Variants in USP34 observed in about 807,000 individuals in gnomAD.
The protein encoded by USP34 is ubiquitin specific peptidase 34.
USP34 carries 70 observed loss-of-function variants against 460.3 expected under a neutral mutation model. The observed-to-expected ratio is 0.15, with a 90% CI of 0.13 to 0.19. The LOEUF (loss-of-function observed/expected upper bound fraction) is 0.19. Among genes scored for constraint, USP34 ranks in the 10% least tolerant of loss-of-function variants. The pLI, the probability that USP34 is intolerant of heterozygous loss-of-function variation, is 1.00. For synonymous variants in USP34, 1,647 were observed against 1,405.3 expected (o/e 1.17, Z -3.85); for missense variants, 3,985 against 4,236.2 (o/e 0.94, Z 1.65).
At chr2:61,281,490 T>C (rs186508634) in intron 37 of USP34, among the ~76,000 whole-genome samples, 1 of 152,292 alleles carries the variant, frequency 6.6e-6, no homozygotes, top group Non-Finnish European at 1.5e-5. Flanking sequence ...CTTGCGCCTG[T>C]AGTCCCAGCT....
chr2:61,463,196 C>T (rs935129545), intron 1 of USP34, among the ~76,000 whole-genome samples: 3 of 151,552 alleles, frequency 2.0e-5, no homozygotes, highest in Admixed American at 6.6e-5. Flanking sequence ...GATTCTCAGC[C>T]GGGTACAGCA....
chr2:61,465,890 T>C (rs529883916), intron 1 of USP34, among the ~76,000 whole-genome samples: 19 of 151,968 alleles, frequency 1.3e-4, no homozygotes, highest in Middle Eastern at 3.4e-3. Context: ...GTCAGGAGAA[T>C]GGCGTGAACC....
intron 10 of USP34, among the ~76,000 whole-genome samples, chr2:61,350,952 G>A (rs1398436278): frequency 1.3e-5 from 2 of 152,196 alleles, no homozygotes; most frequent in Non-Finnish European, 2.9e-5. Flanking sequence ...GCTGGGCGTG[G>A]TGGCTGATGC....
chr2:61,220,151 TAAAAAAAAAAAAAAAA>T (rs60784334), intron 67 of USP34, 143 bp downstream of exon 67: 57 of 169,360 alleles, frequency 3.4e-4, no homozygotes, highest in Admixed American at 7.7e-4. Flanking sequence ...TTTCCTATCC[TAAAAAAAAAAAAAAAA>T]AAAAAAAAAA....
Position 61,278,440 on chromosome 2 carries a change from T to C in USP34, c.5260A>G (p.Thr1754Ala), listed in dbSNP as rs761348187. 2.5e-6 allele frequency: 4 copies of C among 1,569,532 alleles called. No individual in the cohort carries two copies. Among genetic ancestry groups the C allele is most frequent in the Admixed American group, 2.0e-5 (1 of 49,040 alleles). ...NIHIKDASQT[T>A]LLDLDALARH... ...GCCAAGGCATCTAAGTCGAGGAGCG[T>C]TGTCTTAATACAAAAAGAAAATAAA... Residue 1754 changes from threonine to alanine, a missense_variant, in exon 40 of 80, where the codon ACG becomes GCG. Thr to Ala is a moderately conservative substitution (Grantham distance 58). Transcript: ENST00000398571.
In USP34 at chr2:61,349,265, T is replaced by G; in HGVS notation, c.1528A>C (p.Thr510Pro). The change falls in exon 13 of 80, where the codon ACA (threonine) becomes CCA (proline). Residue 510 changes from threonine to proline, a missense_variant. By Grantham distance (38) the Thr-to-Pro change is conservative (BLOSUM62 -1). This residue lies in a region of USP34 where 716 missense variants were observed against 626.2 expected (regional missense o/e 1.14). Transcript: ENST00000398571. Reference protein sequence around the residue: ...NKKEEEELRRTAPSPWSPAAS... With the variant: ...NKKEEEELRRPAPSPWSPAAS... ...CTCAACTTACAAGGTGATGGAGCTG[T>G]TCTTCTAAGCTCTTCTTCCTCTGAA... 6.2e-7 allele frequency: 1 copy of G among 1,613,500 alleles called. No individual in the cohort carries two copies. The highest frequency in any genetic ancestry group is 8.5e-7 in the Non-Finnish European group (1 of 1,179,796).
intron 79 of USP34, 55 bp from the exon 80 acceptor site, chr2:61,188,764 T>A: frequency 6.3e-7 from 1 of 1,583,058 alleles, no homozygotes; most frequent in South Asian, 1.2e-5. Flanking sequence ...AAGATCACGT[T>A]AGGGGGGGAT....
At chr2:61,420,551 G>C (rs1208159152) in intron 2 of USP34, among the ~76,000 whole-genome samples, 195 bp downstream of exon 2, 1 of 152,144 alleles carries the variant, frequency 6.6e-6, no homozygotes, top group Non-Finnish European at 1.5e-5. Context: ...GAAAGAAACT[G>C]ATATTTATGC....
chr2:61,303,641 C>T (rs925847836), intron 27 of USP34, among the ~76,000 whole-genome samples: 2 of 148,582 alleles, frequency 1.3e-5, no homozygotes. Flanking sequence ...CTGTCGCCCA[C>T]GCTGGAGTGC....
intron 1 of USP34, among the ~76,000 whole-genome samples, chr2:61,440,099 T>C (rs1432409099): frequency 6.6e-6 from 1 of 152,084 alleles, no homozygotes; most frequent in Non-Finnish European, 1.5e-5. Context: ...GGCACCTGCC[T>C]GAGTGCTACA....
intron 34 of USP34, among the ~76,000 whole-genome samples, chr2:61,286,171 A>G (rs1364281085): frequency 6.6e-5 from 10 of 152,198 alleles, no homozygotes; most frequent in South Asian, 2.1e-4. Context: ...AAATGATGGT[A>G]AACTCTTAAA....
At chr2:61,468,886 G>A (rs1344854169) in intron 1 of USP34, among the ~76,000 whole-genome samples, 1 of 152,108 alleles carries the variant, frequency 6.6e-6, no homozygotes, top group Non-Finnish European at 1.5e-5. Flanking sequence ...TTCTTTAGAT[G>A]TTTTGTTTAA....
chr2:61,300,917 C>G, intron 29 of USP34, 34 bp downstream of exon 29: 2 of 1,489,612 alleles, frequency 1.3e-6, no homozygotes, highest in African/African-American at 1.4e-5. Context: ...AACAGAGACA[C>G]AAAACAAGAT....
chr2:61,328,813 A>G (rs1235416970), intron 20 of USP34, among the ~76,000 whole-genome samples: 1 of 152,184 alleles, frequency 6.6e-6, no homozygotes, highest in Non-Finnish European at 1.5e-5. Flanking sequence ...CTTTCTCTTT[A>G]CGAGGATGAT....
In USP34 at chr2:61,187,492, G is replaced by T; in HGVS notation, c.*610C>A. The T allele has an allele frequency of 1.0e-6, 1 of 959,262 alleles. No individual in the cohort carries two copies. Among genetic ancestry groups the T allele is most frequent in the Non-Finnish European group, 1.2e-6 (1 of 821,740 alleles). The allele number at this position is 959,262 out of a possible 1,614,324, so 59.4% of individuals were successfully genotyped here. A position where few individuals can be genotyped will look rare whatever the true frequency, so the allele number is the denominator to read the frequency against. On this transcript the variant is annotated 3_prime_UTR_variant, in exon 80 of 80. Transcript: ENST00000398571. ...AAGTCATCACAATCAGTTTAATTAA[G>T]TGCACAGAATAGCAATCAATCAATC...
chr2:61,188,698 C>T lies in USP34; in HGVS notation c.10045G>A (p.Ala3349Thr). ...KERKTKDDEGATPIKRRRVSS... is the reference protein window; with the variant it reads ...KERKTKDDEGTTPIKRRRVSS... ...ACACGCCGCCTTTTAATGGGAGTTGCTCCTTCATCATCTGTGAAAACACAT... is the reference window on the plus strand; with the variant it reads ...ACACGCCGCCTTTTAATGGGAGTTGTTCCTTCATCATCTGTGAAAACACAT... The change falls in exon 80 of 80, where the codon GCA (alanine) becomes ACA (threonine). Residue 3349 changes from alanine (A) to threonine (T), a missense_variant. Around this residue, in one of 14 missense-constraint regions of USP34, gnomAD observed 506 missense variants for 439.0 expected, o/e 1.15. Coordinates refer to ENST00000398571, the MANE Select transcript of USP34 (RefSeq NM_014709.4). 1 of 1,613,276 alleles carries T rather than the reference C, an allele frequency of 6.2e-7. No individual in the cohort carries two copies. The highest frequency in any genetic ancestry group is 8.5e-7 in the Non-Finnish European group (1 of 1,179,638).
chr2:61,426,682 T>C (rs541130057), intron 1 of USP34, among the ~76,000 whole-genome samples: 1 of 152,346 alleles, frequency 6.6e-6, no homozygotes, highest in African/African-American at 2.4e-5. Context: ...TGCCAACTGC[T>C]GATTGCACAG....
At chr2:61,331,074 T>TA (rs1691245989) in intron 20 of USP34, among the ~76,000 whole-genome samples, 1 of 152,260 alleles carries the variant, frequency 6.6e-6, no homozygotes, top group African/African-American at 2.4e-5. Flanking sequence ...GTGAGCCAGC[T>TA]ACATTTACCT....
intron 3 of USP34, among the ~76,000 whole-genome samples, chr2:61,401,377 A>G (rs1048724826): frequency 1.3e-5 from 2 of 151,556 alleles, no homozygotes; most frequent in Admixed American, 1.3e-4. Flanking sequence ...AGCTGGGACT[A>G]CAGGCGTGCA....
Sources: gnomAD v4.1 joint callset for allele counts (sites outside exome capture counted in the v4.1 genomes callset) on GRCh38, gnomAD v4.1.1 for gene constraint, gnomAD v4.1.1 regional missense constraint, MANE v1.5 for transcripts, NCBI Gene and HGNC (gene_info 2026-07-23, HGNC 2026-07-21) for gene names.